The following DSCAM variants were observed in gnomAD, a reference collection of about 807,000 sequenced individuals.
DSCAM encodes the protein DS cell adhesion molecule.
In DSCAM, 47 loss-of-function variants were observed where a neutral mutation model predicts 217.7. The ratio of observed to expected loss-of-function variants is 0.22; its 90% CI spans 0.17 to 0.28. The LOEUF is 0.28. Ranked by LOEUF, DSCAM falls within the 10% of genes least tolerant of loss-of-function variation. The probability of loss-of-function intolerance (pLI) is 1.00; values close to 1 mark genes in which losing one functional copy is unlikely to be tolerated. For missense variants in DSCAM, 2,080 were observed against 2,618.3 expected (o/e 0.79, Z 4.49); for synonymous variants, 1,056 against 1,015.3 (o/e 1.04, Z -0.76).
rs372560282 is a variant in DSCAM at position 40,308,537 on chromosome 21, A to T, written c.2062+3544T>A. On this transcript the variant is annotated intron_variant, in intron 9 of 32. Transcript: ENST00000400454. Reference sequence around the variant, plus strand: ...GAGACCTTTCTTTGAATAGCTCCCTAATCTCCAGTAGCTTGTCCTTCAATA... The same window carrying T: ...GAGACCTTTCTTTGAATAGCTCCCTTATCTCCAGTAGCTTGTCCTTCAATA... Among the ~76,000 whole-genome samples the T allele has an allele frequency of 3.2e-4, 49 of 152,284 alleles. No homozygotes were observed. In the South Asian group the frequency reaches 8.9e-3, roughly 28 times the overall value.
At chr21:40,779,509 T>C (rs2091520699) in intron 1 of DSCAM, among the ~76,000 whole-genome samples, 1 of 152,232 alleles carries the variant, frequency 6.6e-6, no homozygotes, top group South Asian at 2.1e-4. Flanking sequence ...ATTCAGGCAC[T>C]ATTCCAGTTT....
At chr21:40,824,804 T>G (rs1040444061) in intron 1 of DSCAM, among the ~76,000 whole-genome samples, 4 of 152,176 alleles carry the variant, frequency 2.6e-5, no homozygotes, top group African/African-American at 9.6e-5. Flanking sequence ...GGGACTTCCC[T>G]CATTTTCCTC....
At chr21:40,108,659 T>A (rs902693768) in intron 20 of DSCAM, among the ~76,000 whole-genome samples, 3 of 152,140 alleles carry the variant, frequency 2.0e-5, no homozygotes, top group African/African-American at 7.2e-5. Flanking sequence ...TTTTAAAAAT[T>A]CAGTTGGAAC....
chr21:40,610,915 A>G (rs1390844461), intron 3 of DSCAM, among the ~76,000 whole-genome samples: 2 of 152,168 alleles, frequency 1.3e-5, no homozygotes, highest in African/African-American at 4.8e-5. Context: ...CTCCAAGTAC[A>G]TTTCACCCTA....
chr21:40,092,227 G>A (rs1372417085), intron 21 of DSCAM, among the ~76,000 whole-genome samples: 1 of 152,124 alleles, frequency 6.6e-6, no homozygotes, highest in East Asian at 1.9e-4. Flanking sequence ...CTGTAAATGA[G>A]GAGAAATCCA....
At chr21:40,388,144 G>GAT (rs2075103232) in intron 3 of DSCAM, among the ~76,000 whole-genome samples, 1 of 76,560 alleles carries the variant, frequency 1.3e-5, no homozygotes, top group Admixed American at 1.4e-4. Flanking sequence ...GATAAGAACC[G>GAT]ACAGTTTGCC....
chr21:40,326,996 A>G (rs1437846549), intron 8 of DSCAM, among the ~76,000 whole-genome samples: 4 of 151,044 alleles, frequency 2.6e-5, no homozygotes, highest in South Asian at 2.1e-4. Context: ...TAAATGTTAT[A>G]TAGGTGTATG....
intron 3 of DSCAM, among the ~76,000 whole-genome samples, chr21:40,628,998 C>T (rs529094982): frequency 1.5e-4 from 23 of 152,180 alleles, no homozygotes; most frequent in South Asian, 6.2e-4. Flanking sequence ...CTGCCGGCCT[C>T]GGCCTCCCTG....
In DSCAM at chr21:40,831,733, C is replaced by T. The variant is rs192021248; in HGVS notation, c.43+14886G>A. ...TGGTCTCCAATTTTACTCTTCCCAACAGAATGCAATCTCATGAAATAGTTG... is the reference window on the plus strand; with the variant it reads ...TGGTCTCCAATTTTACTCTTCCCAATAGAATGCAATCTCATGAAATAGTTG... On this transcript the variant is annotated intron_variant, in intron 1 of 32. Transcript: ENST00000400454. Among the ~76,000 whole-genome samples, 13 of 152,294 alleles carry T rather than the reference C, an allele frequency of 8.5e-5. No homozygotes were observed. The East Asian group carries it at 2.3e-3, about 27-fold the overall frequency.
At chr21:40,152,572 T>G (rs1180418158) in intron 16 of DSCAM, among the ~76,000 whole-genome samples, 1 of 137,160 alleles carries the variant, frequency 7.3e-6, no homozygotes, top group East Asian at 2.6e-4. Context: ...CCAGATGCCC[T>G]TTCTCCAGCT....
intron 1 of DSCAM, among the ~76,000 whole-genome samples, chr21:40,761,335 TG>T (rs1451105208): frequency 6.6e-6 from 1 of 152,174 alleles, no homozygotes; most frequent in Non-Finnish European, 1.5e-5. Context: ...TCCTGGCTCA[TG>T]GCCCCCCCTC....
At chr21:40,369,506 T>A (rs2074872809) in intron 3 of DSCAM, among the ~76,000 whole-genome samples, 1 of 151,862 alleles carries the variant, frequency 6.6e-6, no homozygotes, top group African/African-American at 2.4e-5. Context: ...AAATATATAC[T>A]TAGCAAATCT....
At chr21:40,742,041 G>A (rs2091129002) in intron 1 of DSCAM, among the ~76,000 whole-genome samples, 1 of 152,110 alleles carries the variant, frequency 6.6e-6, no homozygotes, top group South Asian at 2.1e-4. Flanking sequence ...TTGTGCACTG[G>A]CCAACTTCAA....
Position 40,248,101 on chromosome 21 carries a change from G to A in DSCAM, c.2356+27996C>T, listed in dbSNP as rs568200077. On this transcript the variant is annotated intron_variant, in intron 11 of 32. Coordinates refer to ENST00000400454, the MANE Select transcript of DSCAM (RefSeq NM_001389.5). ...ATGCAGGGCACCAACTCCCTAGGCT[G>A]CACACAGCATGGGCACCCTGGTGTT... Among the ~76,000 whole-genome samples the A allele has an allele frequency of 3.9e-5, 6 of 152,250 alleles. No homozygotes were observed. In the East Asian group the frequency reaches 1.2e-3, roughly 29 times the overall value.
intron 27 of DSCAM, among the ~76,000 whole-genome samples, chr21:40,071,768 A>G (rs921211302): frequency 6.6e-6 from 1 of 152,230 alleles, no homozygotes. Context: ...AGAGGCACAG[A>G]GTCTGTACCT....
At chr21:40,330,294 C>T (rs1189191675) in intron 8 of DSCAM, among the ~76,000 whole-genome samples, 1 of 144,222 alleles carries the variant, frequency 6.9e-6, no homozygotes, top group Non-Finnish European at 1.5e-5. Context: ...ATATTATATG[C>T]ATATATTTAT....
At chr21:40,712,227 AGT>A (rs1408744220) in intron 1 of DSCAM, among the ~76,000 whole-genome samples, 3 of 151,830 alleles carry the variant, frequency 2.0e-5, no homozygotes, top group Non-Finnish European at 4.4e-5. Flanking sequence ...GGACAGTGAC[AGT>A]GTGTAGTTTG....
chr21:40,050,646 T>A (rs2088915915), intron 30 of DSCAM, among the ~76,000 whole-genome samples: 1 of 152,116 alleles, frequency 6.6e-6, no homozygotes, highest in Admixed American at 6.5e-5. Flanking sequence ...CCAGGCCGGC[T>A]AATTTTTCTT....
At position 40,347,603 on chromosome 21, in the gene DSCAM, T is replaced by C. The variant is rs148528416; in HGVS notation, c.1210+67A>G. ...CGATCAGCACTGCTTCACCCTGTCTTCTTCTTTTCTGAGTGCTCTGGGTTT... is the reference window on the plus strand; with the variant it reads ...CGATCAGCACTGCTTCACCCTGTCTCCTTCTTTTCTGAGTGCTCTGGGTTT... On this transcript the variant is annotated intron_variant, in intron 6 of 32. Coordinates refer to ENST00000400454, the MANE Select transcript of DSCAM (RefSeq NM_001389.5). The C allele has an allele frequency of 3.5e-4, 555 of 1,597,700 alleles. 2 individuals carry two copies. The African/African-American group carries it at 6.7e-3, about 19-fold the overall frequency.
Sources: gnomAD v4.1 joint callset for allele counts (sites outside exome capture counted in the v4.1 genomes callset) on GRCh38, gnomAD v4.1.1 for gene constraint, MANE v1.5 for transcripts, NCBI Gene and HGNC (gene_info 2026-07-23, HGNC 2026-07-21) for gene names.